The following PLEKHM3 variants were observed in gnomAD, a reference collection of about 807,000 sequenced individuals.
The protein encoded by PLEKHM3 is pleckstrin homology domain containing M3.
A neutral mutation model predicts 81.8 loss-of-function variants in PLEKHM3; 45 were observed. That is an observed-to-expected ratio of 0.55 (90% confidence interval 0.43 to 0.71). The LOEUF is 0.71. Ranked by LOEUF, PLEKHM3 falls within the 30% of genes least tolerant of loss-of-function variation. PLEKHM3 has a pLI of 0.00. For missense variants in PLEKHM3, 788 were observed against 924.3 expected, an observed-to-expected ratio of 0.85 and a Z score of 1.91; for synonymous variants, 352 against 356.4, an observed-to-expected ratio of 0.99 and a Z score of 0.14.
chr2:207,865,801 A>AATATATATAT lies in PLEKHM3; in HGVS notation c.1951-4540_1951-4539insATATATATAT. 1.2e-4 allele frequency among the ~76,000 whole-genome samples: 3 copies of AATATATATAT among 25,290 alleles called. 1 individual carries two copies. Among genetic ancestry groups the AATATATATAT allele is most frequent in the African/African-American group, 6.3e-4 (3 of 4,794 alleles). 16.6% of individuals were successfully genotyped at this position (25,290 alleles called of 152,430 possible). Reference sequence around the variant, plus strand: ...CGACTCAAAAAAAAAAAAAAAAAAAAAGATATATATATATATATATATATA... The same window carrying AATATATATAT: ...CGACTCAAAAAAAAAAAAAAAAAAAAATATATATATAGATATATATATATATATATATATA... On this transcript the variant is annotated intron_variant, in intron 6 of 7. Coordinates refer to ENST00000427836, the MANE Select transcript of PLEKHM3 (RefSeq NM_001080475.3).
chr2:207,888,642 C>T (rs1196848968), intron 6 of PLEKHM3, among the ~76,000 whole-genome samples: 1 of 152,224 alleles, frequency 6.6e-6, no homozygotes, highest in Non-Finnish European at 1.5e-5. Context: ...GATCTGCCCA[C>T]CTCGGCCTCC....
intron 6 of PLEKHM3, among the ~76,000 whole-genome samples, chr2:207,882,520 G>A (rs1440762252): frequency 6.7e-6 from 1 of 148,446 alleles, no homozygotes; most frequent in Non-Finnish European, 1.5e-5. Context: ...GCTGAGGCAG[G>A]AGAATCACTT....
rs764404868 is a variant in PLEKHM3, at chr2:207,976,626, T to A, written c.1546+25A>T. 1.2e-5 allele frequency: 19 copies of A among 1,596,202 alleles called. No homozygotes were observed. The highest frequency in any genetic ancestry group is 3.4e-5 in the Admixed American group (2 of 58,946). ...GGTTCAGGATTGTTCTTTAATGAGC[T>A]ATAGGCTGAAAATCTGCTTCATACC... On this transcript the variant is annotated intron_variant, in intron 3 of 7. Coordinates refer to ENST00000427836, the MANE Select transcript of PLEKHM3 (RefSeq NM_001080475.3). The surrounding 1 kb of genome is among the most constrained non-coding windows in gnomAD (Gnocchi z 4.1).
chr2:208,012,199 G>A (rs1359771726), intron 1 of PLEKHM3, among the ~76,000 whole-genome samples: 2 of 151,946 alleles, frequency 1.3e-5, no homozygotes, highest in Non-Finnish European at 2.9e-5. Context: ...CCGCCACCAC[G>A]CCCGGCTAAT....
intron 6 of PLEKHM3, among the ~76,000 whole-genome samples, chr2:207,884,782 G>C (rs1687833633): frequency 6.6e-6 from 1 of 152,084 alleles, no homozygotes; most frequent in Non-Finnish European, 1.5e-5. Context: ...GTGTCAAAGT[G>C]CAGGATGTCA....
At chr2:207,938,282 C>T (rs537068059) in intron 4 of PLEKHM3, among the ~76,000 whole-genome samples, 6 of 152,214 alleles carry the variant, frequency 3.9e-5, no homozygotes, top group African/African-American at 1.4e-4. Flanking sequence ...TAGGGTTTAG[C>T]GCTTCCTAAT....
intron 3 of PLEKHM3, among the ~76,000 whole-genome samples, chr2:207,967,840 G>A (rs550957100): frequency 3.1e-4 from 47 of 152,208 alleles, no homozygotes; most frequent in African/African-American, 9.9e-4. Flanking sequence ...GTGGAGGTAC[G>A]GAGAGGTTAA....
Position 207,837,687 on chromosome 2 carries a change from C to T in PLEKHM3, c.2109-9191G>A, listed in dbSNP as rs187275567. ...CAGGCTGGTCTTGTTCTCCTGACCT[C>T]GTGATCTGCCCACCTCGGCCTCCCA... is the stretch of plus-strand genomic sequence containing the variant. On this transcript the variant is annotated intron_variant, in intron 7 of 7. Coordinates refer to ENST00000427836, the MANE Select transcript of PLEKHM3 (RefSeq NM_001080475.3). 6.1e-3 allele frequency among the ~76,000 whole-genome samples: 779 copies of T among 128,322 alleles called. 10 individuals carry two copies. The highest frequency in any genetic ancestry group is 0.02 in the African/African-American group (655 of 33,176). 84.2% of individuals were successfully genotyped at this position (128,322 alleles called of 152,430 possible). A position where few individuals can be genotyped will look rare whatever the true frequency, so the allele number is the denominator to read the frequency against.
chr2:207,908,538 C>T lies in PLEKHM3; in HGVS notation c.1926G>A (p.Leu642=). Residue 642 remains leucine, a synonymous_variant, in exon 6 of 8, where the codon CTG becomes CTA. Coordinates refer to ENST00000427836, the MANE Select transcript of PLEKHM3 (RefSeq NM_001080475.3). ...CCTGCTGCAGGTCGGCAAGTGAATA[C>T]AGGTGGATCTGTTGAAGGAGGTATT... The part of the protein sequence containing the change: ...PREYLLQQIH[L]YSLADLQQVI... 6.2e-7 allele frequency: 1 copy of T among 1,613,056 alleles called. No individual in the cohort carries two copies. Among genetic ancestry groups the T allele is most frequent in the South Asian group, 1.1e-5 (1 of 90,864 alleles).
intron 6 of PLEKHM3, among the ~76,000 whole-genome samples, chr2:207,877,228 C>T (rs1281308909): frequency 6.6e-6 from 1 of 152,110 alleles, no homozygotes; most frequent in Non-Finnish European, 1.5e-5. Context: ...AGAAAAGAGT[C>T]CTAAAAAAGG....
At chr2:207,979,066 A>T (rs1329209055) in intron 2 of PLEKHM3, among the ~76,000 whole-genome samples, 1 of 152,226 alleles carries the variant, frequency 6.6e-6, no homozygotes, top group Non-Finnish European at 1.5e-5. Context: ...GGTACCTAGC[A>T]CAATGCTCAG....
At chr2:207,928,937 G>T (rs949191467) in intron 5 of PLEKHM3, among the ~76,000 whole-genome samples, 1 of 152,120 alleles carries the variant, frequency 6.6e-6, no homozygotes, top group African/African-American at 2.4e-5. Context: ...CAGACATTGC[G>T]CTAAGTGAAA....
chr2:207,892,080 C>A (rs1688076717), intron 6 of PLEKHM3, among the ~76,000 whole-genome samples: 1 of 152,158 alleles, frequency 6.6e-6, no homozygotes, highest in South Asian at 2.1e-4. Flanking sequence ...TTCCTCCTAA[C>A]TGTATTCCTC....
intron 6 of PLEKHM3, among the ~76,000 whole-genome samples, chr2:207,888,921 C>T (rs551884840): frequency 5.7e-4 from 87 of 152,238 alleles, no homozygotes; most frequent in African/African-American, 1.8e-3. Context: ...GGTCTGGGTA[C>T]GAAATCAAAA....
chr2:208,018,246 G>A (rs976148778), intron 1 of PLEKHM3, among the ~76,000 whole-genome samples: 6 of 152,012 alleles, frequency 3.9e-5, no homozygotes, highest in African/African-American at 1.2e-4. Context: ...AGTGGCATGT[G>A]CCTGTAGTCC....
intron 3 of PLEKHM3, among the ~76,000 whole-genome samples, chr2:207,971,499 T>C (rs187598676): frequency 5.9e-5 from 9 of 152,190 alleles, no homozygotes; most frequent in Non-Finnish European, 1.2e-4. Flanking sequence ...ACTATACATA[T>C]GTATTGCAAT....
At position 207,821,740 on chromosome 2, in the gene PLEKHM3, G is replaced by C. The variant is rs1315699595; in HGVS notation, c.*6579C>G. The C allele has an allele frequency of 6.6e-6, 1 of 151,222 alleles. No homozygotes were observed. Among genetic ancestry groups the C allele is most frequent in the Non-Finnish European group, 1.5e-5 (1 of 67,858 alleles). 9.4% of individuals were successfully genotyped at this position (151,222 alleles called of 1,614,324 possible). A position where few individuals can be genotyped will look rare whatever the true frequency, so the allele number is the denominator to read the frequency against. On this transcript the variant is annotated 3_prime_UTR_variant, in exon 8 of 8. Coordinates refer to ENST00000427836, the MANE Select transcript of PLEKHM3 (RefSeq NM_001080475.3). ...CATTTTCTCTCCTTTAAAAAAAAAA[G>C]TATATATATATATTTTTCAAAGAGA...
At chr2:207,928,743 T>C (rs573552011) in intron 5 of PLEKHM3, among the ~76,000 whole-genome samples, 12 of 152,356 alleles carry the variant, frequency 7.9e-5, no homozygotes, top group African/African-American at 2.9e-4. Context: ...TTAGGCTAGT[T>C]AGAAGGACAC....
intron 2 of PLEKHM3, among the ~76,000 whole-genome samples, chr2:207,995,922 A>C (rs2362781): frequency 0.055 from 8,335 of 152,264 alleles, 729 homozygotes; most frequent in African/African-American, 0.19. Context: ...AAAGAAACAC[A>C]ATCAAGGAAC....
Sources: gnomAD v4.1 joint callset for allele counts (sites outside exome capture counted in the v4.1 genomes callset) on GRCh38, gnomAD v4.1.1 for gene constraint, Gnocchi (gnomAD v3.1) non-coding constraint, MANE v1.5 for transcripts, NCBI Gene and HGNC (gene_info 2026-07-23, HGNC 2026-07-21) for gene names.